The following CACNA2D3 variants were observed in gnomAD, a reference collection of about 807,000 sequenced individuals.
The protein encoded by CACNA2D3 is voltage-dependent calcium channel subunit alpha-2/delta-3.
In CACNA2D3, 60 loss-of-function variants were observed where a neutral mutation model predicts 160.6. The observed-to-expected ratio is 0.37, with a 90% CI of 0.30 to 0.46. The LOEUF is 0.46. Among genes scored for constraint, CACNA2D3 ranks in the 20% least tolerant of loss-of-function variants. CACNA2D3 has a pLI of 1.00. For missense variants in CACNA2D3, 1,205 were observed against 1,365.0 expected, an observed-to-expected ratio of 0.88 and a Z score of 1.85; for synonymous variants, 558 against 492.9, an observed-to-expected ratio of 1.13 and a Z score of -1.75.
At chr3:55,020,362 T>G (rs540782020) in intron 35 of CACNA2D3, among the ~76,000 whole-genome samples, 2 of 149,176 alleles carry the variant, frequency 1.3e-5, no homozygotes, top group Non-Finnish European at 3.0e-5. Flanking sequence ...ATATCTATAA[T>G]GTATATTTTG....
chr3:54,918,380 A>T, intron 27 of CACNA2D3: 1 of 969,450 alleles, frequency 1.0e-6, no homozygotes, highest in Non-Finnish European at 1.4e-6. Context: ...GCAAAATCAG[A>T]CTAACAGGAA....
At chr3:54,149,043 G>A (rs1240379190) in intron 2 of CACNA2D3, among the ~76,000 whole-genome samples, 1 of 151,804 alleles carries the variant, frequency 6.6e-6, no homozygotes, top group Admixed American at 6.6e-5. Flanking sequence ...GAGAAGTGAG[G>A]GATCCTGAGG....
At chr3:54,620,677 C>T (rs540974032) in intron 9 of CACNA2D3, among the ~76,000 whole-genome samples, 292 of 152,236 alleles carry the variant, frequency 1.9e-3, no homozygotes, top group African/African-American at 6.7e-3. Flanking sequence ...GCTTTGCACA[C>T]GAACCTAAGT....
At chr3:54,803,165 A>G (rs1703035132) in intron 13 of CACNA2D3, among the ~76,000 whole-genome samples, 2 of 152,240 alleles carry the variant, frequency 1.3e-5, no homozygotes, top group African/African-American at 4.8e-5. Flanking sequence ...CTCCTCCTCC[A>G]AAAGAACGCA....
intron 4 of CACNA2D3, among the ~76,000 whole-genome samples, chr3:54,415,014 G>A (rs546052398): frequency 6.6e-6 from 1 of 151,928 alleles, no homozygotes; most frequent in Non-Finnish European, 1.5e-5. Flanking sequence ...TGTTTCAGAC[G>A]TCAAAAACTT....
intron 11 of CACNA2D3, among the ~76,000 whole-genome samples, chr3:54,690,024 C>G (rs1441422269): frequency 6.6e-6 from 1 of 152,000 alleles, no homozygotes; most frequent in African/African-American, 2.4e-5. Flanking sequence ...CAGGCACTCT[C>G]CTGCCTCTAC....
At chr3:54,397,681 ATAGT>A (rs1247246007) in intron 4 of CACNA2D3, among the ~76,000 whole-genome samples, 1 of 33,816 alleles carries the variant, frequency 3.0e-5, no homozygotes, top group Non-Finnish European at 5.2e-5. Context: ...GGTCTGAGAG[ATAGT>A]TTGTTATAAT....
At chr3:54,380,634 A>T (rs557476943) in intron 3 of CACNA2D3, among the ~76,000 whole-genome samples, 1 of 152,162 alleles carries the variant, frequency 6.6e-6, no homozygotes, top group African/African-American at 2.4e-5. Context: ...GCCACTCGGG[A>T]GGCCGAGGCA....
At chr3:54,176,756 T>C (rs1419679589) in intron 2 of CACNA2D3, among the ~76,000 whole-genome samples, 2 of 152,224 alleles carry the variant, frequency 1.3e-5, no homozygotes, top group East Asian at 3.8e-4. Context: ...CCTTCCTTTG[T>C]TGATTTTTTT....
chr3:54,152,010 CTTAAAGGGGTTCTGA>C (rs1700160756), intron 2 of CACNA2D3, among the ~76,000 whole-genome samples: 1 of 152,228 alleles, frequency 6.6e-6, no homozygotes, highest in African/African-American at 2.4e-5. Context: ...TGCTAAGCTC[CTTAAAGGGGTTCTGA>C]TTAGAAACAT....
intron 10 of CACNA2D3, among the ~76,000 whole-genome samples, chr3:54,631,203 A>ACACACACACACACACACAC (rs1699230352): frequency 6.9e-6 from 1 of 145,774 alleles, no homozygotes; most frequent in African/African-American, 2.6e-5. Context: ...GACTCCATCA[A>ACACACACACACACACACAC]ACACACACAC....
At chr3:54,695,831 G>A (rs1700654448) in intron 11 of CACNA2D3, among the ~76,000 whole-genome samples, 1 of 152,120 alleles carries the variant, frequency 6.6e-6, no homozygotes, top group Non-Finnish European at 1.5e-5. Context: ...TTTTGTCATT[G>A]TTCACAAATA....
intron 18 of CACNA2D3, 82 bp from the exon 19 acceptor site, chr3:54,878,936 C>T (rs996019643): frequency 1.3e-6 from 1 of 766,154 alleles, no homozygotes; most frequent in South Asian, 2.0e-5. Context: ...ATGGAGGCTC[C>T]ACTGCACGCT....
intron 5 of CACNA2D3, among the ~76,000 whole-genome samples, 162 bp downstream of exon 5, chr3:54,503,816 T>C (rs1017850395): frequency 6.6e-6 from 1 of 152,230 alleles, no homozygotes; most frequent in African/African-American, 2.4e-5. Context: ...GTGAAGCATG[T>C]ACCTGTTCTG....
chr3:55,000,862 G>A (rs916875156), intron 31 of CACNA2D3, among the ~76,000 whole-genome samples: 3 of 152,128 alleles, frequency 2.0e-5, no homozygotes, highest in Non-Finnish European at 4.4e-5. Context: ...CCTGGGCTGG[G>A]GAACAGGTCT....
At chr3:54,712,699 A>C (rs1384147180) in intron 11 of CACNA2D3, among the ~76,000 whole-genome samples, 3 of 152,196 alleles carry the variant, frequency 2.0e-5, no homozygotes, top group Non-Finnish European at 4.4e-5. Flanking sequence ...TAATACAAAG[A>C]GAATGTGTTT....
chr3:55,007,085 C>T (rs548509292), intron 32 of CACNA2D3, among the ~76,000 whole-genome samples: 4 of 152,276 alleles, frequency 2.6e-5, no homozygotes, highest in African/African-American at 9.6e-5. Context: ...TGGTATTTTC[C>T]AGAATTCAGG....
chr3:54,826,789 G>A (rs542102630), intron 14 of CACNA2D3, among the ~76,000 whole-genome samples: 2 of 150,122 alleles, frequency 1.3e-5, no homozygotes, highest in Non-Finnish European at 2.9e-5. Context: ...TTAAGACCAA[G>A]ATATTTGATC....
At chr3:54,597,100 G>A (rs966294565) in intron 9 of CACNA2D3, among the ~76,000 whole-genome samples, 7 of 152,198 alleles carry the variant, frequency 4.6e-5, no homozygotes, top group African/African-American at 1.7e-4. Context: ...CAGTCTCCTG[G>A]CCAACCTCAT....
Sources: gnomAD v4.1 joint callset for allele counts (sites outside exome capture counted in the v4.1 genomes callset) on GRCh38, gnomAD v4.1.1 for gene constraint, MANE v1.5 for transcripts, NCBI Gene and HGNC (gene_info 2026-07-23, HGNC 2026-07-21) for gene names.